CSMD1: variants seen among roughly 807,000 people sequenced by gnomAD.
CSMD1 encodes CUB and Sushi multiple domains 1, also known as CUB and sushi domain-containing protein 1.
A neutral mutation model predicts 417.5 loss-of-function variants in CSMD1; 213 were observed. The observed-to-expected ratio is 0.51, with a 90% CI of 0.46 to 0.57. The LOEUF (loss-of-function observed/expected upper bound fraction) is 0.57. CSMD1 is among the 20% of genes least tolerant of loss of function. The pLI, the probability that CSMD1 is intolerant of heterozygous loss-of-function variation, is 0.00. For missense variants in CSMD1, 6,923 were observed against 4,529.7 expected, an observed-to-expected ratio of 1.53 and a Z score of -15.17; for synonymous variants, 2,862 against 1,736.8, an observed-to-expected ratio of 1.65 and a Z score of -16.11.
At chr8:4,200,850 C>T (rs181572532) in intron 3 of CSMD1, among the ~76,000 whole-genome samples, 1 of 151,932 alleles carries the variant, frequency 6.6e-6, no homozygotes, top group Non-Finnish European at 1.5e-5. Flanking sequence ...AAAGTGAAAC[C>T]CTGTCTCAAA....
chr8:2,941,168 T>C (rs1328939188), intron 69 of CSMD1, among the ~76,000 whole-genome samples: 1 of 152,210 alleles, frequency 6.6e-6, no homozygotes, highest in Non-Finnish European at 1.5e-5. Flanking sequence ...CTGAAATGTT[T>C]TTCATTGAGT....
chr8:4,453,305 A>G (rs1424927881), intron 2 of CSMD1, among the ~76,000 whole-genome samples: 2 of 151,928 alleles, frequency 1.3e-5, no homozygotes, highest in African/African-American at 2.4e-5. Context: ...ACTGGCAATC[A>G]ACTGTCCCCA....
Position 3,205,519 on chromosome 8 carries a change from C to A in CSMD1, c.4969G>T (p.Val1657Leu). The change falls in exon 31 of 70, where the codon GTA becomes TTA. Residue 1657 changes from valine to leucine, a missense_variant. Physicochemically the swap from Val to Leu is conservative, Grantham distance 32. Coordinates refer to ENST00000635120, the MANE Select transcript of CSMD1 (RefSeq NM_033225.6). ...AGQICLYSITVPKEFVVFGQF... is the reference protein window; with the variant it reads ...AGQICLYSITLPKEFVVFGQF... ...ACATCCTTACCGAATTCCTTTGGTA[C>A]CGTGATGGAATAGAGGCATATTTGA... 6.4e-7 allele frequency: 1 copy of A among 1,554,706 alleles called. No homozygotes were observed. Among genetic ancestry groups the A allele is most frequent in the Non-Finnish European group, 8.8e-7 (1 of 1,135,278 alleles).
At position 4,265,429 on chromosome 8, in the gene CSMD1, G is replaced by T. The variant is rs1407681936; in HGVS notation, c.415+154524C>A. Among the ~76,000 whole-genome samples the T allele has an allele frequency of 6.3e-5, 3 of 47,482 alleles. 1 individual carries two copies. Among genetic ancestry groups the T allele is most frequent in the Non-Finnish European group, 2.0e-4 (2 of 9,960 alleles). The allele number at this position is 47,482 out of a possible 152,430, so 31.2% of individuals were successfully genotyped here. On this transcript the variant is annotated intron_variant, in intron 3 of 69. Transcript: ENST00000635120. ...TATTCAGAGTTCTTCAAAGCCAGTTGAAAAAGTGTCCTCTAACTTAATTTG... is the reference window on the plus strand; with the variant it reads ...TATTCAGAGTTCTTCAAAGCCAGTTTAAAAAGTGTCCTCTAACTTAATTTG...
chr8:4,062,613 T>A (rs1021552215), intron 3 of CSMD1, among the ~76,000 whole-genome samples: 5 of 152,126 alleles, frequency 3.3e-5, no homozygotes, highest in African/African-American at 1.2e-4. Context: ...ATCTTAAAGC[T>A]GGAAAAACAG....
At chr8:3,871,307 G>C (rs1427672190) in intron 5 of CSMD1, among the ~76,000 whole-genome samples, 2 of 151,896 alleles carry the variant, frequency 1.3e-5, no homozygotes, top group Admixed American at 6.6e-5. Context: ...ACTCCTACTA[G>C]TAGTGTTGGA....
intron 5 of CSMD1, among the ~76,000 whole-genome samples, chr8:3,883,067 T>C (rs529285596): frequency 6.4e-4 from 98 of 152,274 alleles, no homozygotes; most frequent in African/African-American, 2.3e-3. Context: ...CTGACATAAA[T>C]GTGTCTTGAC....
intron 1 of CSMD1, among the ~76,000 whole-genome samples, chr8:4,784,175 A>G (rs911217631): frequency 2.0e-5 from 3 of 152,228 alleles, no homozygotes; most frequent in African/African-American, 7.2e-5. Flanking sequence ...CTCAAGTAAA[A>G]GTTTGTTCTT....
Position 4,839,607 on chromosome 8 carries a change from T to G in CSMD1, c.85+154725A>C, listed in dbSNP as rs543426198. Among the ~76,000 whole-genome samples the G allele has an allele frequency of 7.2e-5, 11 of 152,246 alleles. No individual in the cohort carries two copies. The South Asian group carries it at 1.4e-3, about 20-fold the overall frequency. On this transcript the variant is annotated intron_variant, in intron 1 of 69. Transcript: ENST00000635120. ...ATGAAATAACATAGTTATTTTCTGT[T>G]TAATACTTCACTTAAGAAGAACTTG...
intron 21 of CSMD1, among the ~76,000 whole-genome samples, chr8:3,356,736 A>T (rs575900052): frequency 9.2e-5 from 14 of 152,168 alleles, no homozygotes; most frequent in African/African-American, 3.4e-4. Context: ...TTTTGCACCA[A>T]CCTTATAGAA....
chr8:4,353,830 C>T (rs1050422439), intron 3 of CSMD1, among the ~76,000 whole-genome samples: 2 of 152,314 alleles, frequency 1.3e-5, no homozygotes, highest in Non-Finnish European at 2.9e-5. Context: ...GTTCTTCTCT[C>T]CTCAGTGACC....
rs1806915581 is a variant in CSMD1, at chr8:4,693,572, G to A, written c.86-56014C>T. On this transcript the variant is annotated intron_variant, in intron 1 of 69. Transcript: ENST00000635120. ...TTTTAAATATGCATCAATCAAAACA[G>A]CCCATTAGGCAGAGTGGTATTGAGG... Among the ~76,000 whole-genome samples the A allele has an allele frequency of 3.3e-5, 5 of 152,146 alleles. No homozygotes were observed. In the South Asian group the frequency reaches 1.0e-3, roughly 32 times the overall value.
At chr8:3,519,613 A>G (rs1163381995) in intron 10 of CSMD1, among the ~76,000 whole-genome samples, 2 of 152,182 alleles carry the variant, frequency 1.3e-5, no homozygotes, top group Admixed American at 6.5e-5. Flanking sequence ...GGATGAGGCA[A>G]TGTGCCACTC....
intron 23 of CSMD1, among the ~76,000 whole-genome samples, chr8:3,310,153 G>C (rs1011376404): frequency 3.3e-5 from 5 of 152,200 alleles, no homozygotes; most frequent in South Asian, 2.1e-4. Context: ...TCCGGTTTCA[G>C]GGTCATTCAA....
At position 4,963,475 on chromosome 8, in the gene CSMD1, C is replaced by A. The variant is rs572377873; in HGVS notation, c.85+30857G>T. 7.7e-4 allele frequency among the ~76,000 whole-genome samples: 118 copies of A among 152,296 alleles called. 1 individual carries two copies. Among genetic ancestry groups the A allele is most frequent in the Middle Eastern group, 3.4e-3 (1 of 294 alleles). On this transcript the variant is annotated intron_variant, in intron 1 of 69. Transcript: ENST00000635120. ...TCGACCTCCCAAAGTGCTGGGATTA[C>A]AGGGGTGAGACACCATGCCTGGCCC...
rs865832640 is a variant in CSMD1, at chr8:3,751,324, G to A, written c.931+2606C>T. Among the ~76,000 whole-genome samples the A allele has an allele frequency of 1.5e-3, 224 of 145,290 alleles. 6 individuals are homozygous for A. The East Asian group carries it at 0.032, about 21-fold the overall frequency. ...AGTGTGTGTGTGTGTGTGTGTGTGT[G>A]TGTATATATATATATATACACGAAC... On this transcript the variant is annotated intron_variant, in intron 6 of 69. Coordinates refer to ENST00000635120, the MANE Select transcript of CSMD1 (RefSeq NM_033225.6).
intron 48 of CSMD1, among the ~76,000 whole-genome samples, chr8:3,090,723 G>C (rs891032825): frequency 6.6e-6 from 1 of 152,166 alleles, no homozygotes. Flanking sequence ...AACATAACTT[G>C]AAAGCTGTCA....
chr8:3,108,069 G>A (rs1167773399), intron 44 of CSMD1, among the ~76,000 whole-genome samples: 2 of 152,144 alleles, frequency 1.3e-5, no homozygotes, highest in Non-Finnish European at 2.9e-5. Flanking sequence ...CAGATGTTTG[G>A]AATTCTGCAA....
At chr8:3,322,514 G>T (rs541841512) in intron 23 of CSMD1, among the ~76,000 whole-genome samples, 4 of 152,192 alleles carry the variant, frequency 2.6e-5, no homozygotes, top group Non-Finnish European at 4.4e-5. Context: ...TTCCAGAAGA[G>T]AGAGCTAATC....
Sources: gnomAD v4.1 joint callset for allele counts (sites outside exome capture counted in the v4.1 genomes callset) on GRCh38, gnomAD v4.1.1 for gene constraint, MANE v1.5 for transcripts, NCBI Gene and HGNC (gene_info 2026-07-23, HGNC 2026-07-21) for gene names.